The following VDR variants were observed in gnomAD, a reference collection of about 807,000 sequenced individuals.
VDR encodes the protein vitamin D3 receptor.
Under a neutral mutation model 39.7 loss-of-function variants are expected in VDR, and 19 were observed. The ratio of observed to expected loss-of-function variants is 0.48; its 90% CI spans 0.33 to 0.70. The LOEUF (loss-of-function observed/expected upper bound fraction) is 0.70. Ranked by LOEUF, VDR falls within the 30% of genes least tolerant of loss-of-function variation. The probability of loss-of-function intolerance (pLI) is 0.02; values close to 1 mark genes in which losing one functional copy is unlikely to be tolerated. For synonymous variants in VDR, 242 were observed against 215.8 expected (o/e 1.12, Z -1.07); for missense variants, 442 against 570.5 (o/e 0.77, Z 2.29).
intron 1 of VDR, among the ~76,000 whole-genome samples, chr12:47,891,230 G>C (rs755410684): frequency 5.9e-5 from 9 of 152,150 alleles, no homozygotes; most frequent in Admixed American, 4.6e-4. Context: ...GCCCATTCCT[G>C]TCTCCTTATC....
chr12:47,846,520 GGTCT>G (rs1945283889), intron 8 of VDR, 69 bp from the exon 9 acceptor site: 2 of 1,547,786 alleles, frequency 1.3e-6, no homozygotes, highest in East Asian at 4.7e-5. Context: ...CAACCCCATG[GGTCT>G]GACCCTCGCC....
In VDR at chr12:47,878,810, A is replaced by G. The variant is rs1348625982; in HGVS notation, c.146+158T>C. 7.0e-6 allele frequency: 8 copies of G among 1,138,172 alleles called. No individual in the cohort carries two copies. The African/African-American group carries it at 9.2e-5, about 13-fold the overall frequency. 70.5% of individuals were successfully genotyped at this position (1,138,172 alleles called of 1,614,324 possible). On this transcript the variant is annotated intron_variant, in intron 3 of 9. Coordinates refer to ENST00000549336, the MANE Select transcript of VDR (RefSeq NM_000376.3). Reference sequence around the variant, plus strand: ...CTGAGAGGAGGGAAAAGAAGATACCACTCACCAAGACCCTCCTGCTCCTGT... The same window carrying G: ...CTGAGAGGAGGGAAAAGAAGATACCGCTCACCAAGACCCTCCTGCTCCTGT...
rs1198709971 is a variant in VDR, at chr12:47,878,838, C to T, written c.146+130G>A. The T allele has an allele frequency of 3.5e-6, 5 of 1,447,498 alleles. No individual in the cohort carries two copies. In the East Asian group the frequency reaches 7.2e-5, roughly 21 times the overall value. 89.7% of individuals were successfully genotyped at this position (1,447,498 alleles called of 1,614,324 possible). On this transcript the variant is annotated intron_variant, in intron 3 of 9. Coordinates refer to ENST00000549336, the MANE Select transcript of VDR (RefSeq NM_000376.3). Reference sequence around the variant, plus strand: ...CACCAAGACCCTCCTGCTCCTGTGGCTGTGAGCGCCGCATGTTCCATGGAC... The same window carrying T: ...CACCAAGACCCTCCTGCTCCTGTGGTTGTGAGCGCCGCATGTTCCATGGAC...
intron 1 of VDR, among the ~76,000 whole-genome samples, chr12:47,903,370 G>C (rs1946604019): frequency 6.6e-6 from 1 of 152,224 alleles, no homozygotes; most frequent in Non-Finnish European, 1.5e-5. Flanking sequence ...CACGGACTCT[G>C]CAGGGAGGGC....
intron 3 of VDR, among the ~76,000 whole-genome samples, chr12:47,874,514 C>T (rs1158977140): frequency 2.0e-5 from 3 of 152,154 alleles, no homozygotes; most frequent in Non-Finnish European, 4.4e-5. Context: ...ACCTTTTGCC[C>T]CCTGCACTCC....
At chr12:47,853,886 C>T (rs1177184701) in intron 7 of VDR, among the ~76,000 whole-genome samples, 1 of 151,886 alleles carries the variant, frequency 6.6e-6, no homozygotes, top group African/African-American at 2.4e-5. Flanking sequence ...CGCGCCATTG[C>T]ACTCCAGCCT....
Position 47,865,170 on chromosome 12 carries a change from T to C in VDR, c.154A>G (p.Met52Val), listed in dbSNP as rs773055192. Residue 52 changes from methionine (M) to valine (V), a missense_variant, in exon 4 of 10, where the codon ATG becomes GTG. By Grantham distance (21) the Met-to-Val change is conservative. Transcript: ENST00000549336. ...CAGGTGAATAGTGCCTTCCGCTTCA[T>C]GCTTCGCCTGCCGAGAGAGCACACA... is the stretch of plus-strand genomic sequence containing the variant. Reference protein sequence around the residue: ...EGCKGFFRRSMKRKALFTCPF... With the variant: ...EGCKGFFRRSVKRKALFTCPF... 7.4e-6 allele frequency: 12 copies of C among 1,611,556 alleles called. No individual in the cohort carries two copies. In the East Asian group the frequency reaches 2.0e-4, roughly 27 times the overall value.
At chr12:47,890,588 T>C (rs540701740) in intron 1 of VDR, among the ~76,000 whole-genome samples, 2 of 151,992 alleles carry the variant, frequency 1.3e-5, no homozygotes, top group South Asian at 4.2e-4. Context: ...AGACAGGCTG[T>C]CTTGCTTCTC....
intron 4 of VDR, among the ~76,000 whole-genome samples, chr12:47,861,363 G>A (rs1395598909): frequency 6.6e-6 from 1 of 152,202 alleles, no homozygotes; most frequent in East Asian, 1.9e-4. Context: ...CTTCTATGGA[G>A]GTAACAGAGG....
intron 4 of VDR, among the ~76,000 whole-genome samples, chr12:47,864,537 T>A (rs190982226): frequency 2.1e-4 from 32 of 152,202 alleles, no homozygotes; most frequent in African/African-American, 7.7e-4. Context: ...GAGGCTGGGG[T>A]GGGACAGAAC....
rs536210774 is a variant in VDR, at chr12:47,853,876, C to T, written c.755+1754G>A. 3.9e-5 allele frequency among the ~76,000 whole-genome samples: 6 copies of T among 152,022 alleles called. No individual in the cohort carries two copies. In the South Asian group the frequency reaches 8.3e-4, roughly 21 times the overall value. ...GGCGGAGGTTGCAGTGAGCTGAGAT[C>T]GCGCCATTGCACTCCAGCCTAGGTG... On this transcript the variant is annotated intron_variant, in intron 7 of 9. Transcript: ENST00000549336.
At chr12:47,887,474 T>C (rs2853561) in intron 1 of VDR, among the ~76,000 whole-genome samples, 71,936 of 152,032 alleles carry the variant, frequency 0.47, 18,607 homozygotes, top group African/African-American at 0.66. Context: ...GAACACTCTA[T>C]AATGCTTATG....
At chr12:47,858,942 G>A (rs1311593847) in intron 4 of VDR, among the ~76,000 whole-genome samples, 3 of 152,222 alleles carry the variant, frequency 2.0e-5, no homozygotes, top group Non-Finnish European at 2.9e-5. Flanking sequence ...TGGCAGGAAA[G>A]CGAGCGCTAC....
At chr12:47,873,432 C>T (rs1035430273) in intron 3 of VDR, among the ~76,000 whole-genome samples, 215 of 139,194 alleles carry the variant, frequency 1.5e-3, no homozygotes, top group African/African-American at 5.5e-3. Flanking sequence ...GCAATCTCGG[C>T]TCACTGCAGC....
intron 3 of VDR, among the ~76,000 whole-genome samples, chr12:47,874,100 C>T (rs1945951431): frequency 6.6e-6 from 1 of 152,188 alleles, no homozygotes; most frequent in Admixed American, 6.5e-5. Context: ...TTCTTGATAG[C>T]TTCAGTGACC....
In VDR at chr12:47,873,082, G is replaced by A. The variant is rs1022800606; in HGVS notation, c.146+5886C>T. On this transcript the variant is annotated intron_variant, in intron 3 of 9. Transcript: ENST00000549336. ...TGTGTCCCCACCCAAATCCCATCTCGAATTGTAATCCCCATGTGTCGAAGG... is the reference window on the plus strand; with the variant it reads ...TGTGTCCCCACCCAAATCCCATCTCAAATTGTAATCCCCATGTGTCGAAGG... Among the ~76,000 whole-genome samples, 6 of 152,278 alleles carry A rather than the reference G, an allele frequency of 3.9e-5. No homozygotes were observed. The South Asian group carries it at 6.2e-4, about 16-fold the overall frequency.
chr12:47,888,330 C>T (rs1312747039), intron 1 of VDR, among the ~76,000 whole-genome samples: 1 of 152,164 alleles, frequency 6.6e-6, no homozygotes, highest in Non-Finnish European at 1.5e-5. Context: ...CAAACCATAT[C>T]ACAGGGCTAG....
intron 1 of VDR, chr12:47,904,487 A>C: frequency 1.0e-6 from 1 of 961,588 alleles, no homozygotes; most frequent in East Asian, 3.1e-5. Context: ...AAAAAAAAAA[A>C]TTACTTAAAA....
At chr12:47,845,332 C>G (rs1945260282) in intron 9 of VDR, among the ~76,000 whole-genome samples, 1 of 151,688 alleles carries the variant, frequency 6.6e-6, no homozygotes, top group South Asian at 2.1e-4. Flanking sequence ...TGTGCTCCCT[C>G]TGCTTGGAAC....
Sources: allele counts gnomAD v4.1 joint callset (sites outside exome capture counted in the v4.1 genomes callset), GRCh38; gene constraint gnomAD v4.1.1; transcripts MANE v1.5; gene names NCBI Gene and HGNC (gene_info 2026-07-23, HGNC 2026-07-21).